The following SPMIP11 variants were observed in gnomAD, a reference collection of about 807,000 sequenced individuals.
SPMIP11 encodes sperm microtubule inner protein 11.
chr12:48,760,737 G>A, the SPMIP11 span, among the ~76,000 whole-genome samples: 1 of 152,046 alleles, frequency 6.6e-6, no homozygotes, highest in Admixed American at 6.6e-5. Context: ...ATGTTGGCCA[G>A]GCTGGTCTCG....
the SPMIP11 span, among the ~76,000 whole-genome samples, chr12:48,731,622 T>C: frequency 3.3e-5 from 5 of 152,160 alleles, no homozygotes; most frequent in South Asian, 2.1e-4. Context: ...GTCAAAACCT[T>C]GCAGCCTCAT....
At chr12:48,767,303 A>C in the SPMIP11 span, 1 of 152,584 alleles carries the variant, frequency 6.6e-6, no homozygotes, top group East Asian at 1.9e-4. Context: ...ATGGCCCCCG[A>C]ACGGCACTTA....
At chr12:48,751,713 G>A in the SPMIP11 span, among the ~76,000 whole-genome samples, 1 of 152,220 alleles carries the variant, frequency 6.6e-6, no homozygotes, top group South Asian at 2.1e-4. Context: ...TATAAATGGA[G>A]ACAATAATGT....
At chr12:48,731,919 C>T in the SPMIP11 span, among the ~76,000 whole-genome samples, 493 of 152,144 alleles carry the variant, frequency 3.2e-3, 2 homozygotes, top group African/African-American at 0.011. Context: ...GAGGCTGATG[C>T]GGGCAGATCA....
chr12:48,744,697 C>T, the SPMIP11 span, among the ~76,000 whole-genome samples: 2 of 145,316 alleles, frequency 1.4e-5, no homozygotes, highest in Non-Finnish European at 3.0e-5. Flanking sequence ...TTAGCCTGGG[C>T]GACAAGAGTG....
chr12:48,732,218 T>A, the SPMIP11 span, among the ~76,000 whole-genome samples: 1 of 151,702 alleles, frequency 6.6e-6, no homozygotes. Flanking sequence ...ATATAGGAGT[T>A]CAAACATATT....
At chr12:48,753,681 CT>C in the SPMIP11 span, among the ~76,000 whole-genome samples, 32 of 120,886 alleles carry the variant, frequency 2.6e-4, no homozygotes, top group African/African-American at 7.9e-4. Flanking sequence ...CTTTTCTTTA[CT>C]TTTTTTTTTC....
the SPMIP11 span, among the ~76,000 whole-genome samples, chr12:48,746,724 C>A: frequency 1.3e-5 from 2 of 151,746 alleles, no homozygotes; most frequent in Non-Finnish European, 2.9e-5. Flanking sequence ...AGTTTAAGAC[C>A]AGCCTGGCCA....
chr12:48,771,087 C>T, the SPMIP11 span: 1 of 1,000,330 alleles, frequency 1.0e-6, no homozygotes, highest in East Asian at 2.6e-5. This position sits in a 1 kb window ranked among gnomAD's most constrained non-coding sequence, Gnocchi z 4.3. Flanking sequence ...CTCAAGAGCC[C>T]CCTTCCAGCT....
chr12:48,749,435 C>T, the SPMIP11 span, among the ~76,000 whole-genome samples: 2 of 151,558 alleles, frequency 1.3e-5, no homozygotes, highest in African/African-American at 4.8e-5. Flanking sequence ...TCAAGATCTA[C>T]CTGACCAAAA....
the SPMIP11 span, among the ~76,000 whole-genome samples, chr12:48,758,335 G>C: frequency 7.2e-5 from 11 of 152,172 alleles, no homozygotes; most frequent in Non-Finnish European, 1.5e-4. Context: ...TCAATGCTGT[G>C]GTGGACACTA....
the SPMIP11 span, among the ~76,000 whole-genome samples, chr12:48,746,397 C>T: frequency 8.2e-4 from 108 of 131,680 alleles, no homozygotes; most frequent in Admixed American, 3.2e-3. Flanking sequence ...GATGGTGTCT[C>T]GCTCTGTTGC....
the SPMIP11 span, chr12:48,764,755 TGCTGG>T: frequency 9.4e-6 from 6 of 635,206 alleles, no homozygotes; most frequent in African/African-American, 3.6e-5. Flanking sequence ...GCCAAGCAGT[TGCTGG>T]GCTGGGCTGG....
chr12:48,760,966 T>C, the SPMIP11 span, among the ~76,000 whole-genome samples: 2 of 152,248 alleles, frequency 1.3e-5, no homozygotes, highest in East Asian at 3.8e-4. Flanking sequence ...AAGCACAAGC[T>C]TTGGCATTTT....
the SPMIP11 span, among the ~76,000 whole-genome samples, chr12:48,741,138 A>G: frequency 6.7e-6 from 1 of 148,748 alleles, no homozygotes; most frequent in East Asian, 2.0e-4. Flanking sequence ...GGCTCACCAC[A>G]ACGTATGCAG....
the SPMIP11 span, among the ~76,000 whole-genome samples, chr12:48,769,698 T>C: frequency 6.7e-6 from 1 of 150,330 alleles, no homozygotes; most frequent in Non-Finnish European, 1.5e-5. Flanking sequence ...GAGATTCTCC[T>C]GCCTCAGCCT....
the SPMIP11 span, among the ~76,000 whole-genome samples, chr12:48,764,269 G>A: frequency 2.6e-5 from 4 of 152,000 alleles, no homozygotes; most frequent in Non-Finnish European, 5.9e-5. Context: ...AATTACAGGC[G>A]TGAGCCACCG....
At chr12:48,764,965 G>A in the SPMIP11 span, 24 of 702,762 alleles carry the variant, frequency 3.4e-5, no homozygotes, top group Non-Finnish European at 4.9e-5. Context: ...CGGAGCCCAC[G>A]CCATTGTCTC....
the SPMIP11 span, chr12:48,768,801 G>A: frequency 6.4e-7 from 1 of 1,567,556 alleles, no homozygotes; most frequent in Non-Finnish European, 8.7e-7. Context: ...AGTCAGGCTA[G>A]CTCCCTTCCC....
Sources: allele counts gnomAD v4.1 joint callset (sites outside exome capture counted in the v4.1 genomes callset), GRCh38; gene constraint gnomAD v4.1.1; non-coding constraint Gnocchi (gnomAD v3.1); transcripts MANE v1.5; gene names NCBI Gene and HGNC (gene_info 2026-07-23, HGNC 2026-07-21).